Variants in FUT9 observed in about 807,000 individuals in gnomAD.
FUT9 encodes 4-galactosyl-N-acetylglucosaminide 3-alpha-L-fucosyltransferase 9.
In FUT9, 15 loss-of-function variants were observed where a neutral mutation model predicts 29.7. That is an observed-to-expected ratio of 0.51 (90% CI 0.34 to 0.78). The LOEUF (loss-of-function observed/expected upper bound fraction) is 0.78. Among genes scored for constraint, FUT9 ranks in the 30% least tolerant of loss-of-function variants. The pLI is 0.01. For synonymous variants in FUT9, 169 were observed against 153.7 expected (o/e 1.10, Z -0.74); for missense variants, 319 against 425.4 (o/e 0.75, Z 2.20).
intron 1 of FUT9, among the ~76,000 whole-genome samples, chr6:96,053,691 A>G (rs989448792): frequency 2.6e-5 from 4 of 152,202 alleles, no homozygotes; most frequent in Non-Finnish European, 4.4e-5. Context: ...CCTGGGCAAC[A>G]GAGCGAGACT....
At chr6:96,044,488 A>C (rs997279351) in intron 1 of FUT9, among the ~76,000 whole-genome samples, 1 of 152,210 alleles carries the variant, frequency 6.6e-6, no homozygotes, top group African/African-American at 2.4e-5. Flanking sequence ...AACAAATTGT[A>C]TTTTCTAGCA....
intron 1 of FUT9, among the ~76,000 whole-genome samples, chr6:96,071,801 G>GTT (rs201255555): frequency 6.6e-6 from 1 of 151,370 alleles, no homozygotes; most frequent in African/African-American, 2.4e-5. Flanking sequence ...TAAAATTTAA[G>GTT]TTTTTTTTTC....
chr6:96,142,519 A>C (rs1448791130), intron 2 of FUT9, among the ~76,000 whole-genome samples: 1 of 152,188 alleles, frequency 6.6e-6, no homozygotes, highest in East Asian at 1.9e-4. Flanking sequence ...GACTTCAATG[A>C]AGTGCTATTC....
chr6:96,083,908 G>A (rs1254543878), intron 1 of FUT9, among the ~76,000 whole-genome samples: 1 of 151,854 alleles, frequency 6.6e-6, no homozygotes, highest in African/African-American at 2.4e-5. Flanking sequence ...GTGTCTTCCA[G>A]ACTATTTCTT....
Position 96,203,947 on chromosome 6 carries a change from C to T in FUT9, c.792C>T (p.Gly264=). ...TEKLYNAFLA[G]SVPVVLGPSR... ...AGCTATACAATGCTTTTCTGGCTGGCTCTGTACCTGTTGTTCTGGGACCAT... is the reference window on the plus strand; with the variant it reads ...AGCTATACAATGCTTTTCTGGCTGGTTCTGTACCTGTTGTTCTGGGACCAT... The change falls in exon 3 of 3, where the codon GGC becomes GGT. Residue 264 remains glycine (G), a synonymous_variant. Transcript: ENST00000302103. 6.2e-7 allele frequency: 1 copy of T among 1,613,196 alleles called. No individual in the cohort carries two copies. Among genetic ancestry groups the T allele is most frequent in the Non-Finnish European group, 8.5e-7 (1 of 1,179,374 alleles).
chr6:96,121,138 C>A (rs1489089838), intron 2 of FUT9, among the ~76,000 whole-genome samples: 1 of 152,090 alleles, frequency 6.6e-6, no homozygotes, highest in African/African-American at 2.4e-5. Context: ...AAAAAATTAA[C>A]ATTAATTTAC....
chr6:96,128,261 T>C (rs913466403), intron 2 of FUT9, among the ~76,000 whole-genome samples: 5 of 152,172 alleles, frequency 3.3e-5, no homozygotes, highest in Admixed American at 1.3e-4. Context: ...AAAGGCTTAA[T>C]TTTGTAATAT....
Position 96,214,589 on chromosome 6 carries a change from T to A in FUT9, c.*10354T>A, listed in dbSNP as rs566235876. On this transcript the variant is annotated 3_prime_UTR_variant, in exon 3 of 3. Coordinates refer to ENST00000302103, the MANE Select transcript of FUT9 (RefSeq NM_006581.4). The stretch of plus-strand genomic sequence containing the variant: ...CCATTTAATGAAGGGTTTGTTTTGT[T>A]TAGCTTTTCTCTTTTATTCAGAAAA... The A allele has an allele frequency of 1.2e-5, 2 of 166,904 alleles. No individual in the cohort carries two copies. Among genetic ancestry groups the A allele is most frequent in the Non-Finnish European group, 2.9e-5 (2 of 68,066 alleles). The allele number at this position is 166,904 out of a possible 1,614,324, so 10.3% of individuals were successfully genotyped here.
chr6:96,102,024 ATG>A lies in FUT9; in HGVS notation c.-97-12009_-97-12008del, dbSNP rs544761332. 4.9e-4 allele frequency among the ~76,000 whole-genome samples: 75 copies of A among 152,290 alleles called. 1 individual carries two copies. In the South Asian group the frequency reaches 0.015, roughly 30 times the overall value. ...TATGTATGCACGTGTGTGTAAAAATATGTGTGTAAAGTCTCAAAAAATAATCA... is the reference window on the plus strand; with the variant it reads ...TATGTATGCACGTGTGTGTAAAAATATGTGTAAAGTCTCAAAAAATAATCA... On this transcript the variant is annotated intron_variant, in intron 1 of 2. Coordinates refer to ENST00000302103, the MANE Select transcript of FUT9 (RefSeq NM_006581.4).
At chr6:96,056,524 G>A (rs1272549335) in intron 1 of FUT9, among the ~76,000 whole-genome samples, 1 of 152,108 alleles carries the variant, frequency 6.6e-6, no homozygotes, top group Non-Finnish European at 1.5e-5. Flanking sequence ...CACTAATTCA[G>A]TCAGGGTATT....
chr6:96,076,076 C>T (rs1046083568), intron 1 of FUT9, among the ~76,000 whole-genome samples: 1 of 152,068 alleles, frequency 6.6e-6, no homozygotes, highest in Non-Finnish European at 1.5e-5. Context: ...AGCTGTGACT[C>T]AGGGCAGTCA....
rs980780836 is a variant in FUT9, at chr6:96,114,112, A to G, written c.-24A>G. 1 of 152,072 alleles carries G rather than the reference A, an allele frequency of 6.6e-6. No individual in the cohort carries two copies. Among genetic ancestry groups the G allele is most frequent in the African/African-American group, 2.4e-5 (1 of 41,414 alleles). 9.4% of individuals were successfully genotyped at this position (152,072 alleles called of 1,614,324 possible). A position where few individuals can be genotyped will look rare whatever the true frequency, so the allele number is the denominator to read the frequency against. On this transcript the variant is annotated 5_prime_UTR_variant, in exon 2 of 3. Transcript: ENST00000302103. ...AACAACTGTCTACGTGCTTCCCATG[A>G]TATGTTCTCTATATTGTAAGTATAT...
intron 1 of FUT9, among the ~76,000 whole-genome samples, chr6:96,070,710 T>A (rs1395399989): frequency 1.3e-5 from 2 of 152,250 alleles, no homozygotes; most frequent in Admixed American, 6.5e-5. Context: ...TTAATTAATT[T>A]AATTAAGTTA....
chr6:96,164,911 TAGTGGTTTCTGTATGAGAC>T (rs1291299119), intron 2 of FUT9, among the ~76,000 whole-genome samples: 1 of 152,230 alleles, frequency 6.6e-6, no homozygotes, highest in Non-Finnish European at 1.5e-5. Context: ...CATGTATGGC[TAGTGGTTTCTGTATGAGAC>T]AGTGGTTTCT....
At chr6:96,087,717 C>T (rs986210552) in intron 1 of FUT9, among the ~76,000 whole-genome samples, 1 of 152,144 alleles carries the variant, frequency 6.6e-6, no homozygotes, top group African/African-American at 2.4e-5. Context: ...AAATATGTTA[C>T]GTAGAAGTTG....
At chr6:96,044,797 T>C (rs1182705702) in intron 1 of FUT9, among the ~76,000 whole-genome samples, 1 of 152,198 alleles carries the variant, frequency 6.6e-6, no homozygotes, top group East Asian at 1.9e-4. Context: ...AGTAATCTTT[T>C]ATTATGCTAG....
chr6:96,110,109 G>A (rs1288286894), intron 1 of FUT9, among the ~76,000 whole-genome samples: 2 of 152,072 alleles, frequency 1.3e-5, no homozygotes, highest in Non-Finnish European at 2.9e-5. Flanking sequence ...TTTTCTGGCT[G>A]CTTCTCTTCA....
intron 2 of FUT9, among the ~76,000 whole-genome samples, chr6:96,117,099 T>C (rs1191528487): frequency 6.6e-6 from 1 of 152,208 alleles, no homozygotes; most frequent in African/African-American, 2.4e-5. Context: ...TGGAAAACAG[T>C]ATTTTGAAAG....
chr6:96,140,343 A>G (rs1270875534), intron 2 of FUT9, among the ~76,000 whole-genome samples: 2 of 152,180 alleles, frequency 1.3e-5, no homozygotes, highest in South Asian at 4.1e-4. Flanking sequence ...TTCCAAGTCT[A>G]TAGGACGTTA....
Sources: gnomAD v4.1 joint callset for allele counts (sites outside exome capture counted in the v4.1 genomes callset) on GRCh38, gnomAD v4.1.1 for gene constraint, MANE v1.5 for transcripts, NCBI Gene and HGNC (gene_info 2026-07-23, HGNC 2026-07-21) for gene names.